Variants in NSD1 observed in about 807,000 individuals in gnomAD.
NSD1 encodes the protein histone-lysine N-methyltransferase, H3 lysine-36 specific.
Under a neutral mutation model 242.7 loss-of-function variants are expected in NSD1, and 26 were observed. The ratio of observed to expected loss-of-function variants is 0.11; its 90% CI spans 0.08 to 0.15. The LOEUF is 0.15. NSD1 is among the 10% of genes least tolerant of loss of function. The pLI is 1.00. For missense variants in NSD1, 2,495 were observed against 3,272.8 expected, an observed-to-expected ratio of 0.76 and a Z score of 5.80; for synonymous variants, 1,106 against 1,178.1, an observed-to-expected ratio of 0.94 and a Z score of 1.25.
At chr5:177,240,401 G>A (rs923975714) in intron 8 of NSD1, among the ~76,000 whole-genome samples, 1 of 151,580 alleles carries the variant, frequency 6.6e-6, no homozygotes, top group Admixed American at 6.6e-5. Flanking sequence ...AATACTTTTT[G>A]TGTTTTATTC....
chr5:177,251,309 G>T (rs888359498), intron 11 of NSD1, among the ~76,000 whole-genome samples: 4 of 152,158 alleles, frequency 2.6e-5, no homozygotes, highest in African/African-American at 9.7e-5. Flanking sequence ...TCAGAAAAGT[G>T]ATCTCTCTCT....
intron 12 of NSD1, among the ~76,000 whole-genome samples, chr5:177,252,539 CTTTTTTTTTTTTTTTT>C (rs70991600): frequency 1.3e-4 from 6 of 47,428 alleles, no homozygotes; most frequent in East Asian, 7.4e-4. Context: ...GTAAAGTGTT[CTTTTTTTTTTTTTTTT>C]TTTTTTTTTT....
chr5:177,294,588 C>T lies in NSD1; in HGVS notation c.7220C>T (p.Thr2407Ile), dbSNP rs1267257970. 1.2e-6 allele frequency: 2 copies of T among 1,614,268 alleles called. No homozygotes were observed. The change falls in exon 23 of 23, where the codon ACT (threonine) becomes ATT (isoleucine). Residue 2407 changes from threonine to isoleucine, a missense_variant. Coordinates refer to ENST00000439151, the MANE Select transcript of NSD1 (RefSeq NM_022455.5). The stretch of plus-strand genomic sequence containing the variant: ...AAACCCCAGACTTCAGACAGGCCTA[C>T]TGACAAACCCCATGCCTCTTTGTCC... ...SPKPQTSDRP[T>I]DKPHASLSQR... is the part of the protein sequence containing the mutation.
chr5:177,214,108 G>A (rs986510139), intron 5 of NSD1, among the ~76,000 whole-genome samples: 5 of 152,104 alleles, frequency 3.3e-5, no homozygotes, highest in African/African-American at 9.7e-5. Context: ...AAGGCTGATG[G>A]ATCACCTGAG....
intron 20 of NSD1, among the ~76,000 whole-genome samples, chr5:177,286,724 A>T: frequency 6.6e-6 from 1 of 152,202 alleles, no homozygotes. Context: ...ATTTAGTTCT[A>T]CTATGTCTGC....
In NSD1 at chr5:177,134,980, C is replaced by T; in HGVS notation, c.-17-107C>T. Reference sequence around the variant, plus strand: ...GGAACTTTTTCTGCCCATGGAAGTGCAGCAGAAAGGCATAGAGGCCACTAG... The same window carrying T: ...GGAACTTTTTCTGCCCATGGAAGTGTAGCAGAAAGGCATAGAGGCCACTAG... On this transcript the variant is annotated intron_variant, in intron 1 of 22. Coordinates refer to ENST00000439151, the MANE Select transcript of NSD1 (RefSeq NM_022455.5). This position sits in a 1 kb window ranked among gnomAD's most constrained non-coding sequence, Gnocchi z 4.2. 2 of 951,122 alleles carry T rather than the reference C, an allele frequency of 2.1e-6. No individual in the cohort carries two copies. Among genetic ancestry groups the T allele is most frequent in the South Asian group, 2.8e-5 (2 of 70,374 alleles). The allele number at this position is 951,122 out of a possible 1,614,324, so 58.9% of individuals were successfully genotyped here. A position where few individuals can be genotyped will look rare whatever the true frequency, so the allele number is the denominator to read the frequency against.
chr5:177,252,522 C>T (rs1347852259), intron 12 of NSD1, among the ~76,000 whole-genome samples: 3 of 139,348 alleles, frequency 2.2e-5, no homozygotes, highest in South Asian at 2.3e-4. Context: ...CATAAAGCTG[C>T]GCTAAAGTAA....
chr5:177,174,712 CA>C (rs1760038800), intron 2 of NSD1, among the ~76,000 whole-genome samples: 1 of 150,000 alleles, frequency 6.7e-6, no homozygotes, highest in African/African-American at 2.5e-5. Flanking sequence ...GTGCCCACTA[CA>C]ACGCCCGGCT....
chr5:177,193,701 T>G (rs2149823317), intron 3 of NSD1, among the ~76,000 whole-genome samples: 1 of 152,344 alleles, frequency 6.6e-6, no homozygotes, highest in East Asian at 1.9e-4. Context: ...CAGCTTACTC[T>G]CTGCTTTGCT....
Position 177,174,511 on chromosome 5 carries a change from G to A in NSD1, c.928-17373G>A, listed in dbSNP as rs558019785. Among the ~76,000 whole-genome samples the A allele has an allele frequency of 4.1e-4, 62 of 151,552 alleles. 1 individual carries two copies. The highest frequency in any genetic ancestry group is 1.4e-3 in the Admixed American group (22 of 15,212). On this transcript the variant is annotated intron_variant, in intron 2 of 22. Coordinates refer to ENST00000439151, the MANE Select transcript of NSD1 (RefSeq NM_022455.5). ...ATTACAAGCGTGAGCCACTGCACCC[G>A]GCCAGAAGTTATTATATAATCAATG... is the stretch of plus-strand genomic sequence containing the variant.
chr5:177,290,609 A>G (rs1759743854), intron 21 of NSD1, among the ~76,000 whole-genome samples: 1 of 150,930 alleles, frequency 6.6e-6, no homozygotes, highest in Non-Finnish European at 1.5e-5. Context: ...GGGTTTCCCC[A>G]TGTTGGCCAG....
At chr5:177,277,466 T>C (rs1758491442) in intron 17 of NSD1, among the ~76,000 whole-genome samples, 1 of 152,236 alleles carries the variant, frequency 6.6e-6, no homozygotes, top group African/African-American at 2.4e-5. Flanking sequence ...GTTTACTTTC[T>C]GACCCTTTAC....
intron 17 of NSD1, among the ~76,000 whole-genome samples, chr5:177,277,310 T>G (rs1232378160): frequency 6.6e-6 from 1 of 152,188 alleles, no homozygotes; most frequent in African/African-American, 2.4e-5. Flanking sequence ...AAAGATGATA[T>G]GAAATTCAAC....
intron 6 of NSD1, among the ~76,000 whole-genome samples, chr5:177,237,464 C>A (rs1765537269): frequency 6.7e-6 from 1 of 148,738 alleles, no homozygotes; most frequent in Admixed American, 6.7e-5. Context: ...TTCAGTGTAT[C>A]TCAGTCAACT....
chr5:177,254,167 G>A (rs1756233351), intron 12 of NSD1, among the ~76,000 whole-genome samples: 1 of 152,004 alleles, frequency 6.6e-6, no homozygotes, highest in Admixed American at 6.6e-5. Flanking sequence ...GGCTGGTCTC[G>A]GACTCCTGAC....
intron 2 of NSD1, among the ~76,000 whole-genome samples, chr5:177,149,675 A>G (rs1056151268): frequency 6.6e-6 from 1 of 152,186 alleles, no homozygotes; most frequent in Non-Finnish European, 1.5e-5. Flanking sequence ...TTAGAATCTC[A>G]TAAGAAGCGC....
At position 177,284,149 on chromosome 5, in the gene NSD1, A is replaced by G. The variant is rs137945358; in HGVS notation, c.6151+221A>G. ...TATACCTACTAAACACTAAGTCCCC[A>G]TTCTTCTTTTTCTTCACAGCCCCTG... is the stretch of plus-strand genomic sequence containing the variant. On this transcript the variant is annotated intron_variant, in intron 20 of 22. Coordinates refer to ENST00000439151, the MANE Select transcript of NSD1 (RefSeq NM_022455.5). Among the ~76,000 whole-genome samples the G allele has an allele frequency of 3.2e-3, 483 of 152,204 alleles. 3 individuals are homozygous for G. Among genetic ancestry groups the G allele is most frequent in the African/African-American group, 0.011 (449 of 41,532 alleles).
Position 177,258,510 on chromosome 5 carries a change from G to A in NSD1, c.4966+1359G>A, listed in dbSNP as rs140238515. ...AAATGTGTTCTCTTTGGTAAAACAA[G>A]TTGTTTTTGTTGTTGTTGTTGTTTG... On this transcript the variant is annotated intron_variant, in intron 13 of 22. Transcript: ENST00000439151. Among the ~76,000 whole-genome samples, 1,006 of 151,646 alleles carry A rather than the reference G, an allele frequency of 6.6e-3. 7 individuals carry two copies. Among genetic ancestry groups the A allele is most frequent in the African/African-American group, 0.018 (747 of 41,338 alleles).
At position 177,210,225 on chromosome 5, in the gene NSD1, C is replaced by A. The variant is rs1254450276; in HGVS notation, c.1826C>A (p.Pro609His). 1 of 1,594,296 alleles carries A rather than the reference C, an allele frequency of 6.3e-7. No individual in the cohort carries two copies. Among genetic ancestry groups the A allele is most frequent in the South Asian group, 1.1e-5 (1 of 88,000 alleles). ...ISKCSREKNK[P>H]QRSLVCGSKV... ...AAGTGTTCTCGAGAGAAGAATAAAC[C>A]CCAACGAAGCCTGGTGTGTGGTTCA... Residue 609 changes from proline (P) to histidine (H), a missense_variant, in exon 5 of 23, where the codon CCC becomes CAC. Physicochemically the swap from Pro to His is moderately conservative, Grantham distance 77. This residue lies in a region of NSD1 where 515 missense variants were observed against 467.0 expected (regional missense o/e 1.10). Coordinates refer to ENST00000439151, the MANE Select transcript of NSD1 (RefSeq NM_022455.5).
Sources: gnomAD v4.1 joint callset for allele counts (sites outside exome capture counted in the v4.1 genomes callset) on GRCh38, gnomAD v4.1.1 for gene constraint, gnomAD v4.1.1 regional missense constraint, Gnocchi (gnomAD v3.1) non-coding constraint, MANE v1.5 for transcripts, NCBI Gene and HGNC (gene_info 2026-07-23, HGNC 2026-07-21) for gene names.